Variants in MAP3K4 observed in about 807,000 individuals in gnomAD.
MAP3K4 encodes the protein mitogen-activated protein kinase kinase kinase 4.
A neutral mutation model predicts 185.6 loss-of-function variants in MAP3K4; 67 were observed. The observed-to-expected ratio is 0.36, with a 90% CI of 0.30 to 0.44. MAP3K4 has a LOEUF of 0.44. MAP3K4 is among the 20% of genes least tolerant of loss of function. MAP3K4 has a pLI of 1.00. For synonymous variants in MAP3K4, 702 were observed against 710.4 expected, an observed-to-expected ratio of 0.99 and a Z score of 0.19; for missense variants, 1,551 against 1,995.1, an observed-to-expected ratio of 0.78 and a Z score of 4.24.
intron 1 of MAP3K4, among the ~76,000 whole-genome samples, chr6:160,994,910 A>C (rs977020684): frequency 1.3e-5 from 2 of 152,174 alleles, no homozygotes; most frequent in African/African-American, 4.8e-5. Context: ...CAAGTTGGTC[A>C]GGCTTGTCTT....
At chr6:161,068,690 A>G (rs1321593922) in intron 3 of MAP3K4, among the ~76,000 whole-genome samples, 1 of 152,184 alleles carries the variant, frequency 6.6e-6, no homozygotes, top group Non-Finnish European at 1.5e-5. Context: ...AGGGTAGAGG[A>G]GAAGGTGGAT....
At position 161,091,577 on chromosome 6, in the gene MAP3K4, G is replaced by A. The variant is rs1158595101; in HGVS notation, c.3135+37G>A. 2.5e-6 allele frequency: 4 copies of A among 1,571,646 alleles called. No homozygotes were observed. The African/African-American group carries it at 5.5e-5, about 22-fold the overall frequency. On this transcript the variant is annotated intron_variant, in intron 12 of 26. Coordinates refer to ENST00000392142, the MANE Select transcript of MAP3K4 (RefSeq NM_005922.4). This position sits in a 1 kb window ranked among gnomAD's most constrained non-coding sequence, Gnocchi z 5.5. ...ATAAGAGGAAACACGGTACAATTTA[G>A]TAATTGCTTGATAACTTACAGAAAG...
In MAP3K4 at chr6:161,098,371, C is replaced by T. The variant is rs1417770014; in HGVS notation, c.3618C>T (p.Ser1206=). 3 of 1,613,918 alleles carry T rather than the reference C, an allele frequency of 1.9e-6. No homozygotes were observed. The highest frequency in any genetic ancestry group is 1.1e-5 in the South Asian group (1 of 91,076). ...CTGCTGTTGCTGCCAGTCGGCCCAG[C>T]CCCTCTGGTGGTGACTCTGTGCTGC... ...AAAAVAASRP[S]PSGGDSVLPK... Residue 1206 remains serine (S), a synonymous_variant, in exon 17 of 27, where the codon AGC becomes AGT. Transcript: ENST00000392142. The surrounding 1 kb of genome is among the most constrained non-coding windows in gnomAD (Gnocchi z 4.4).
At chr6:161,072,304 C>A (rs971346461) in intron 4 of MAP3K4, among the ~76,000 whole-genome samples, 5 of 152,150 alleles carry the variant, frequency 3.3e-5, no homozygotes, top group East Asian at 1.9e-4. Flanking sequence ...AAATCAAAAT[C>A]AAAAATAATT....
Position 161,075,191 on chromosome 6 carries a change from G to A in MAP3K4, c.2097+1579G>A, listed in dbSNP as rs765890937. Among the ~76,000 whole-genome samples, 38 of 152,152 alleles carry A rather than the reference G, an allele frequency of 2.5e-4. No individual in the cohort carries two copies. Among genetic ancestry groups the A allele is most frequent in the Non-Finnish European group, 2.1e-4 (14 of 68,034 alleles). On this transcript the variant is annotated intron_variant, in intron 5 of 26. Transcript: ENST00000392142. This position sits in a 1 kb window ranked among gnomAD's most constrained non-coding sequence, Gnocchi z 4.3. Reference sequence around the variant, plus strand: ...CTTTTTTGAGATAGAGTTTTGCTCTGTCACCTAGACTGAAACGCAGTGGTG... The same window carrying A: ...CTTTTTTGAGATAGAGTTTTGCTCTATCACCTAGACTGAAACGCAGTGGTG...
At chr6:161,095,509 T>C (rs1400267839) in intron 15 of MAP3K4, among the ~76,000 whole-genome samples, 1 of 152,228 alleles carries the variant, frequency 6.6e-6, no homozygotes, top group Non-Finnish European at 1.5e-5. Context: ...GTATGTAAGC[T>C]TCCATATTTT....
intron 6 of MAP3K4, among the ~76,000 whole-genome samples, chr6:161,081,344 C>T (rs1785448094): frequency 2.6e-5 from 4 of 152,148 alleles, no homozygotes; most frequent in Admixed American, 2.6e-4. Context: ...AACAGCCCCA[C>T]AACAGAATTA....
chr6:161,085,840 T>G (rs1179100147), intron 7 of MAP3K4, among the ~76,000 whole-genome samples: 1 of 152,220 alleles, frequency 6.6e-6, no homozygotes, highest in Non-Finnish European at 1.5e-5. Context: ...GGCAGTGGTG[T>G]GCTGGAGCTG....
In MAP3K4 at chr6:161,107,888, A is replaced by G. The variant is rs780825769; in HGVS notation, c.4049-11A>G. 18 of 1,612,620 alleles carry G rather than the reference A, an allele frequency of 1.1e-5. No individual in the cohort carries two copies. In the East Asian group the frequency reaches 3.1e-4, roughly 28 times the overall value. ...GTGGCTGGAAGTGCAGCTTGTTTGC[A>G]TTGTTCACAGGAGAAGGCCAGTATG... On this transcript the variant is annotated splice_polypyrimidine_tract_variant and intron_variant, in intron 20 of 26. Coordinates refer to ENST00000392142, the MANE Select transcript of MAP3K4 (RefSeq NM_005922.4). This position sits in a 1 kb window ranked among gnomAD's most constrained non-coding sequence, Gnocchi z 6.2.
chr6:161,065,937 C>CAAAAAAAA (rs34648628), intron 3 of MAP3K4, among the ~76,000 whole-genome samples: 1 of 78,846 alleles, frequency 1.3e-5, no homozygotes, highest in Non-Finnish European at 2.4e-5. Context: ...GACTCCGTCT[C>CAAAAAAAA]AAAAAAAAAA....
rs1484503192 is a variant in MAP3K4, at chr6:161,049,038, T to C, written c.766T>C (p.Trp256Arg). The C allele has an allele frequency of 6.2e-7, 1 of 1,614,136 alleles. No individual in the cohort carries two copies. Reference sequence around the variant, plus strand: ...AGGACAAGAAAATACGTCTGGTTTCTGGCTTAACCGATCTAACGAACTGAT... The same window carrying C: ...AGGACAAGAAAATACGTCTGGTTTCCGGCTTAACCGATCTAACGAACTGAT... ...QRGQENTSGF[W>R]LNRSNELIWL... The change falls in exon 3 of 27, where the codon TGG becomes CGG. Residue 256 changes from tryptophan (W) to arginine (R), a missense_variant. By Grantham distance (101) the Trp-to-Arg change is moderately radical (BLOSUM62 -3). Transcript: ENST00000392142. This position sits in a 1 kb window ranked among gnomAD's most constrained non-coding sequence, Gnocchi z 8.4.
intron 1 of MAP3K4, among the ~76,000 whole-genome samples, chr6:161,012,214 T>G (rs1781881489): frequency 6.6e-6 from 1 of 152,214 alleles, no homozygotes; most frequent in Non-Finnish European, 1.5e-5. Context: ...AGAGTCTTAA[T>G]TCACTGAACA....
At chr6:161,009,586 C>A (rs1781754380) in intron 1 of MAP3K4, among the ~76,000 whole-genome samples, 1 of 152,110 alleles carries the variant, frequency 6.6e-6, no homozygotes. Flanking sequence ...CTTTTTAAGA[C>A]TGAATAATAT....
intron 1 of MAP3K4, among the ~76,000 whole-genome samples, chr6:160,997,541 TAAG>T (rs771630794): frequency 6.6e-6 from 1 of 152,238 alleles, no homozygotes. Context: ...TAGCTCTTCT[TAAG>T]AAGATTCTCA....
chr6:161,073,564 C>G lies in MAP3K4; in HGVS notation c.2049C>G (p.Pro683=), dbSNP rs769867593. ...LQEVLEDLEK[P]DCNIDAFEED... The stretch of plus-strand genomic sequence containing the variant: ...AGGTTCTGGAGGACTTGGAGAAGCC[C>G]GACTGCAACATTGACGCTTTTGAAG... Residue 683 remains proline (P), a synonymous_variant, in exon 5 of 27, where the codon CCC becomes CCG. Coordinates refer to ENST00000392142, the MANE Select transcript of MAP3K4 (RefSeq NM_005922.4). The surrounding 1 kb of genome is among the most constrained non-coding windows in gnomAD (Gnocchi z 4.2). 8 of 1,613,912 alleles carry G rather than the reference C, an allele frequency of 5.0e-6. No individual in the cohort carries two copies. The highest frequency in any genetic ancestry group is 1.7e-4 in the Middle Eastern group (1 of 6,060).
At position 161,063,317 on chromosome 6, in the gene MAP3K4, A is replaced by G. The variant is rs937800737; in HGVS notation, c.1708-7291A>G. ...CAATTCTCATCTGCTTAGTGGACAT[A>G]TCTTTCTGGCAAGCGCTCACTGTCT... On this transcript the variant is annotated intron_variant, in intron 3 of 26. Transcript: ENST00000392142. This position sits in a 1 kb window ranked among gnomAD's most constrained non-coding sequence, Gnocchi z 5.4. 6.6e-6 allele frequency among the ~76,000 whole-genome samples: 1 copy of G among 152,078 alleles called. No homozygotes were observed. The highest frequency in any genetic ancestry group is 2.4e-5 in the African/African-American group (1 of 41,404).
chr6:161,084,489 T>G lies in MAP3K4; in HGVS notation c.2256-12T>G. 8.0e-7 allele frequency: 1 copy of G among 1,246,788 alleles called. No homozygotes were observed. The highest frequency in any genetic ancestry group is 1.2e-5 in the South Asian group (1 of 83,490). The allele number at this position is 1,246,788 out of a possible 1,614,324, so 77.2% of individuals were successfully genotyped here. On this transcript the variant is annotated splice_polypyrimidine_tract_variant and intron_variant, in intron 6 of 26. Coordinates refer to ENST00000392142, the MANE Select transcript of MAP3K4 (RefSeq NM_005922.4). This position sits in a 1 kb window ranked among gnomAD's most constrained non-coding sequence, Gnocchi z 4.6. ...TTTCTTCTCTGTTTTATTTTTATTTTTGTTCCCTTAGTGACATTGCAGGAA... is the reference window on the plus strand; with the variant it reads ...TTTCTTCTCTGTTTTATTTTTATTTGTGTTCCCTTAGTGACATTGCAGGAA...
chr6:161,006,203 C>G (rs1220261601), intron 1 of MAP3K4, among the ~76,000 whole-genome samples: 1 of 152,188 alleles, frequency 6.6e-6, no homozygotes, highest in African/African-American at 2.4e-5. Context: ...TGATCCATGT[C>G]TTCTTTTTTC....
At chr6:161,046,625 G>A (rs558103242) in intron 2 of MAP3K4, among the ~76,000 whole-genome samples, 2 of 151,508 alleles carry the variant, frequency 1.3e-5, no homozygotes, top group African/African-American at 4.8e-5. Flanking sequence ...GTAAATTTAA[G>A]GCAAGTTTAA....
Sources: allele counts gnomAD v4.1 joint callset (sites outside exome capture counted in the v4.1 genomes callset), GRCh38; gene constraint gnomAD v4.1.1; non-coding constraint Gnocchi (gnomAD v3.1); transcripts MANE v1.5; gene names NCBI Gene and HGNC (gene_info 2026-07-23, HGNC 2026-07-21).